The following ST6GALNAC5 variants were observed in gnomAD, a reference collection of about 807,000 sequenced individuals.
ST6GALNAC5 encodes the protein alpha-N-acetylgalactosaminide alpha-2,6-sialyltransferase 5.
ST6GALNAC5 carries 27 observed loss-of-function variants against 33.6 expected under a neutral mutation model. The ratio of observed to expected loss-of-function variants is 0.80; its 90% confidence interval spans 0.59 to 1.11. The LOEUF (loss-of-function observed/expected upper bound fraction) is 1.11, where lower values mean the gene tolerates loss of function less well. Ranked by LOEUF, ST6GALNAC5 falls within the 50% of genes least tolerant of loss-of-function variation. The pLI is 0.00. For missense variants in ST6GALNAC5, 428 were observed against 454.0 expected, an observed-to-expected ratio of 0.94 and a Z score of 0.52; for synonymous variants, 194 against 171.2, an observed-to-expected ratio of 1.13 and a Z score of -1.04.
At chr1:76,977,242 G>T (rs1227936173) in intron 2 of ST6GALNAC5, among the ~76,000 whole-genome samples, 1 of 151,884 alleles carries the variant, frequency 6.6e-6, no homozygotes, top group Non-Finnish European at 1.5e-5. Flanking sequence ...TTTAATGATT[G>T]TATACCTTGT....
intron 3 of ST6GALNAC5, among the ~76,000 whole-genome samples, chr1:77,048,682 T>TGCTAAAAAGC (rs929280066): frequency 2.6e-5 from 4 of 152,216 alleles, no homozygotes; most frequent in African/African-American, 9.6e-5. Context: ...TCTTCATGGT[T>TGCTAAAAAGC]GCTAAAAAGC....
intron 2 of ST6GALNAC5, among the ~76,000 whole-genome samples, chr1:76,958,612 G>C (rs1351927603): frequency 6.6e-6 from 1 of 150,830 alleles, no homozygotes; most frequent in African/African-American, 2.5e-5. Context: ...TTTTGTTGTT[G>C]TTTTTTTGTT....
intron 2 of ST6GALNAC5, among the ~76,000 whole-genome samples, chr1:76,879,455 A>G (rs1653726646): frequency 6.6e-6 from 1 of 152,198 alleles, no homozygotes; most frequent in South Asian, 2.1e-4. Flanking sequence ...GTTCTCCAGA[A>G]TGCTGTTTAT....
chr1:76,997,671 T>C (rs12730654), intron 2 of ST6GALNAC5, among the ~76,000 whole-genome samples: 3,082 of 152,300 alleles, frequency 0.02, 52 homozygotes, highest in Non-Finnish European at 0.033. Flanking sequence ...AGGTTATATT[T>C]GAAACTTTAA....
chr1:77,010,758 C>T (rs1210102049), intron 2 of ST6GALNAC5, among the ~76,000 whole-genome samples: 3 of 152,222 alleles, frequency 2.0e-5, no homozygotes, highest in Non-Finnish European at 4.4e-5. Context: ...CTGCACCACT[C>T]CTCTCCTTAA....
rs1652767186 is a variant in ST6GALNAC5 at position 77,066,002 on chromosome 1, G to A, written c.*2796G>A. ...CAATCACTTCAAATGGCCCATAAAAGGAGGAATCTCAGATTTAATATTCTA... is the reference window on the plus strand; with the variant it reads ...CAATCACTTCAAATGGCCCATAAAAAGAGGAATCTCAGATTTAATATTCTA... On this transcript the variant is annotated 3_prime_UTR_variant, in exon 5 of 5. Coordinates refer to ENST00000477717, the MANE Select transcript of ST6GALNAC5 (RefSeq NM_030965.3). 6.6e-6 allele frequency among the ~76,000 whole-genome samples: 1 copy of A among 152,162 alleles called. No homozygotes were observed. The highest frequency in any genetic ancestry group is 6.5e-5 in the Admixed American group (1 of 15,276).
intron 2 of ST6GALNAC5, among the ~76,000 whole-genome samples, chr1:76,981,402 A>C (rs565534974): frequency 6.6e-6 from 1 of 152,298 alleles, no homozygotes; most frequent in African/African-American, 2.4e-5. Flanking sequence ...CAGCAGTCTG[A>C]GATCAATCTG....
At chr1:76,939,092 C>T (rs1570690388) in intron 2 of ST6GALNAC5, among the ~76,000 whole-genome samples, 1 of 152,012 alleles carries the variant, frequency 6.6e-6, no homozygotes, top group Non-Finnish European at 1.5e-5. Context: ...GTGGTTATGG[C>T]TTCAGCCTTA....
intron 2 of ST6GALNAC5, among the ~76,000 whole-genome samples, chr1:76,878,741 T>C (rs1487408810): frequency 1.3e-5 from 2 of 152,156 alleles, no homozygotes; most frequent in African/African-American, 4.8e-5. Flanking sequence ...ACAATTCAAA[T>C]TAGTCTTTTG....
chr1:77,016,446 G>A (rs764850430), intron 2 of ST6GALNAC5, among the ~76,000 whole-genome samples: 13 of 151,254 alleles, frequency 8.6e-5, no homozygotes, highest in Middle Eastern at 3.4e-3. Context: ...TTTTCCTTTC[G>A]GTCACTGTCA....
At chr1:76,966,548 G>A (rs972476957) in intron 2 of ST6GALNAC5, among the ~76,000 whole-genome samples, 4 of 152,138 alleles carry the variant, frequency 2.6e-5, no homozygotes, top group African/African-American at 9.7e-5. Flanking sequence ...CTGCAAAAAG[G>A]GACAATTTGA....
intron 2 of ST6GALNAC5, among the ~76,000 whole-genome samples, chr1:76,887,690 C>T (rs909408586): frequency 7.2e-5 from 11 of 152,116 alleles, no homozygotes; most frequent in African/African-American, 2.7e-4. Context: ...GAATAATTCT[C>T]TTGCTCATTT....
chr1:77,026,371 A>G (rs1651235457), intron 2 of ST6GALNAC5, among the ~76,000 whole-genome samples: 1 of 152,172 alleles, frequency 6.6e-6, no homozygotes, highest in Admixed American at 6.5e-5. Context: ...AGCACGGCCA[A>G]TTGCATTTAA....
In ST6GALNAC5 at chr1:77,044,339, C is replaced by T. The variant is rs959899083; in HGVS notation, c.397C>T (p.Arg133Cys). Residue 133 changes from arginine (R) to cysteine (C), a missense_variant, in exon 3 of 5, where the codon CGT becomes TGT. Coordinates refer to ENST00000477717, the MANE Select transcript of ST6GALNAC5 (RefSeq NM_030965.3). Reference sequence around the variant, plus strand: ...TGACGCCCCCACACGCGGCTATGGGCGTGACGTGGGCAATCGCACCAGCCT... The same window carrying T: ...TGACGCCCCCACACGCGGCTATGGGTGTGACGTGGGCAATCGCACCAGCCT... ...MNDAPTRGYG[R>C]DVGNRTSLRV... 1.4e-5 allele frequency: 23 copies of T among 1,613,818 alleles called. No homozygotes were observed. Among genetic ancestry groups the T allele is most frequent in the Middle Eastern group, 1.6e-4 (1 of 6,084 alleles).
At chr1:76,881,125 C>G (rs1653768662) in intron 2 of ST6GALNAC5, among the ~76,000 whole-genome samples, 3 of 152,110 alleles carry the variant, frequency 2.0e-5, no homozygotes, top group African/African-American at 7.2e-5. Flanking sequence ...GAGTGATTAT[C>G]TCTTAAATAA....
intron 2 of ST6GALNAC5, among the ~76,000 whole-genome samples, chr1:76,971,573 A>G (rs1029545498): frequency 2.6e-5 from 4 of 152,126 alleles, no homozygotes; most frequent in South Asian, 2.1e-4. Context: ...TTCCAATTCT[A>G]TATTTTTCCC....
At chr1:76,942,784 G>A (rs1647383611) in intron 2 of ST6GALNAC5, among the ~76,000 whole-genome samples, 1 of 152,124 alleles carries the variant, frequency 6.6e-6, no homozygotes. Flanking sequence ...GTGTTTGGCA[G>A]AAGTCCCCTC....
intron 2 of ST6GALNAC5, among the ~76,000 whole-genome samples, chr1:76,969,834 G>C (rs1198511788): frequency 6.6e-6 from 1 of 152,170 alleles, no homozygotes; most frequent in Admixed American, 6.5e-5. Context: ...TCCAGAGGAA[G>C]GATTGGGCAG....
At chr1:76,970,846 A>C (rs1388254964) in intron 2 of ST6GALNAC5, among the ~76,000 whole-genome samples, 1 of 152,120 alleles carries the variant, frequency 6.6e-6, no homozygotes, top group Non-Finnish European at 1.5e-5. Flanking sequence ...CATTCTAATA[A>C]CTCACCTTTG....
Sources: allele counts gnomAD v4.1 joint callset (sites outside exome capture counted in the v4.1 genomes callset), GRCh38; gene constraint gnomAD v4.1.1; transcripts MANE v1.5; gene names NCBI Gene and HGNC (gene_info 2026-07-23, HGNC 2026-07-21).